The following MLLT10 variants were observed in gnomAD, a reference collection of about 807,000 sequenced individuals.
MLLT10 encodes MLLT10 histone lysine methyltransferase DOT1L cofactor.
A neutral mutation model predicts 129.1 loss-of-function variants in MLLT10; 30 were observed. That is an observed-to-expected ratio of 0.23 (90% CI 0.17 to 0.32). The LOEUF (loss-of-function observed/expected upper bound fraction) is 0.32, where lower values mean the gene tolerates loss of function less well. MLLT10 is among the 10% of genes least tolerant of loss of function. The pLI, the probability that MLLT10 is intolerant of heterozygous loss-of-function variation, is 1.00. For missense variants in MLLT10, 1,119 were observed against 1,268.3 expected, an observed-to-expected ratio of 0.88 and a Z score of 1.79; for synonymous variants, 490 against 446.4, an observed-to-expected ratio of 1.10 and a Z score of -1.23.
intron 6 of MLLT10, among the ~76,000 whole-genome samples, chr10:21,614,444 AG>A (rs1217604662): frequency 6.6e-6 from 1 of 152,114 alleles, no homozygotes; most frequent in Non-Finnish European, 1.5e-5. Flanking sequence ...GGCCCTTTAG[AG>A]GCATGGCCTT....
chr10:21,683,380 T>C (rs562018843), intron 13 of MLLT10, among the ~76,000 whole-genome samples: 104 of 152,274 alleles, frequency 6.8e-4, no homozygotes, highest in African/African-American at 2.2e-3. Flanking sequence ...ATTGGCAGCA[T>C]CCTTGAAAAT....
chr10:21,671,837 C>T (rs1486315469), intron 10 of MLLT10, among the ~76,000 whole-genome samples: 4 of 152,040 alleles, frequency 2.6e-5, no homozygotes, highest in African/African-American at 7.2e-5. Flanking sequence ...CCTGTGGCCC[C>T]AGCTCCTCAG....
chr10:21,576,201 G>A (rs1045159838), intron 3 of MLLT10, among the ~76,000 whole-genome samples: 38 of 149,228 alleles, frequency 2.5e-4, no homozygotes, highest in African/African-American at 9.1e-4. Flanking sequence ...AAGTGCTGGG[G>A]TTACAGGCGT....
At chr10:21,636,807 G>T (rs1457011057) in intron 8 of MLLT10, among the ~76,000 whole-genome samples, 1 of 152,036 alleles carries the variant, frequency 6.6e-6, no homozygotes, top group Non-Finnish European at 1.5e-5. Flanking sequence ...TAGAAGAAAG[G>T]TAGTGTTGTT....
intron 17 of MLLT10, among the ~76,000 whole-genome samples, chr10:21,731,996 C>T (rs2058007440): frequency 2.0e-5 from 3 of 152,198 alleles, no homozygotes; most frequent in South Asian, 2.1e-4. Context: ...CCTTTAAACA[C>T]GATAGCTGGA....
At chr10:21,546,475 G>A (rs1486938152) in intron 3 of MLLT10, among the ~76,000 whole-genome samples, 7 of 151,718 alleles carry the variant, frequency 4.6e-5, no homozygotes, top group Non-Finnish European at 7.4e-5. Context: ...TGTGATCTCC[G>A]CTTACTGCAA....
chr10:21,673,345 T>C lies in MLLT10; in HGVS notation c.1052-5T>C. ...TTTTTTTTTTTTTTTTTTTTTAAAC[T>C]ACAGGCAGTTTTTCAGGAACTCCAG... On this transcript the variant is annotated splice_polypyrimidine_tract_variant and splice_region_variant and intron_variant, in intron 10 of 22. Coordinates refer to ENST00000307729, the MANE Select transcript of MLLT10 (RefSeq NM_001195626.3). 1 of 433,350 alleles carries C rather than the reference T, an allele frequency of 2.3e-6. No homozygotes were observed. The highest frequency in any genetic ancestry group is 3.5e-6 in the Non-Finnish European group (1 of 288,120). 26.8% of individuals were successfully genotyped at this position (433,350 alleles called of 1,614,324 possible).
At chr10:21,553,338 T>C (rs1451977008) in intron 3 of MLLT10, among the ~76,000 whole-genome samples, 1 of 151,786 alleles carries the variant, frequency 6.6e-6, no homozygotes, top group East Asian at 1.9e-4. Context: ...TTTTTTTTTT[T>C]TTTTTGAGAA....
intron 9 of MLLT10, among the ~76,000 whole-genome samples, chr10:21,668,197 C>T (rs1157935147): frequency 6.6e-6 from 1 of 152,052 alleles, no homozygotes; most frequent in African/African-American, 2.4e-5. Context: ...GTGAGATGTT[C>T]ATACTATGAT....
At chr10:21,646,265 G>A (rs145413974) in intron 8 of MLLT10, among the ~76,000 whole-genome samples, 3 of 152,144 alleles carry the variant, frequency 2.0e-5, no homozygotes, top group Non-Finnish European at 2.9e-5. Context: ...GCTTCTTTAC[G>A]GGGAAAGCAG....
At chr10:21,562,446 T>C (rs1005220176) in intron 3 of MLLT10, among the ~76,000 whole-genome samples, 2 of 151,824 alleles carry the variant, frequency 1.3e-5, no homozygotes, top group Non-Finnish European at 2.9e-5. Flanking sequence ...CAAGCAATTC[T>C]CATGTCTCAG....
At chr10:21,591,856 G>T (rs1057247559) in intron 4 of MLLT10, among the ~76,000 whole-genome samples, 1 of 151,824 alleles carries the variant, frequency 6.6e-6, no homozygotes, top group African/African-American at 2.4e-5. Context: ...GAGTAGCTGG[G>T]ACTACAGGCA....
intron 3 of MLLT10, among the ~76,000 whole-genome samples, chr10:21,569,191 T>G (rs1414033639): frequency 6.6e-6 from 1 of 151,376 alleles, no homozygotes. Context: ...TAGGTCAGTT[T>G]GGTTAATGGT....
At chr10:21,556,740 T>G (rs1564403989) in intron 3 of MLLT10, 1 of 1,611,146 alleles carries the variant, frequency 6.2e-7, no homozygotes, top group Non-Finnish European at 8.5e-7. Flanking sequence ...CCCCGATGCC[T>G]GGTGTCTAAC....
intron 8 of MLLT10, among the ~76,000 whole-genome samples, chr10:21,640,164 A>T (rs2047845359): frequency 1.4e-5 from 2 of 145,966 alleles, no homozygotes; most frequent in South Asian, 4.2e-4. Flanking sequence ...GTATACATAT[A>T]TATTATATAT....
chr10:21,681,751 T>C (rs1368452824), intron 12 of MLLT10, among the ~76,000 whole-genome samples: 2 of 152,168 alleles, frequency 1.3e-5, no homozygotes, highest in East Asian at 3.9e-4. Context: ...GTCTTCTACA[T>C]GTGTTGAGGC....
chr10:21,697,478 C>G (rs1389554156), intron 13 of MLLT10, among the ~76,000 whole-genome samples: 1 of 151,846 alleles, frequency 6.6e-6, no homozygotes, highest in Non-Finnish European at 1.5e-5. Flanking sequence ...AAACAAAAAC[C>G]AAAAAAAGTT....
At chr10:21,617,080 A>G in intron 7 of MLLT10, 32 bp from the exon 8 acceptor site, 1 of 1,064,380 alleles carries the variant, frequency 9.4e-7, no homozygotes, top group Non-Finnish European at 1.3e-6. Context: ...TTATATACAT[A>G]TACATATATG....
At chr10:21,716,102 T>C (rs1172073092) in intron 14 of MLLT10, among the ~76,000 whole-genome samples, 1 of 152,230 alleles carries the variant, frequency 6.6e-6, no homozygotes, top group Non-Finnish European at 1.5e-5. Context: ...GTAATGGTGT[T>C]GAATGTGAAA....
Sources: allele counts gnomAD v4.1 joint callset (sites outside exome capture counted in the v4.1 genomes callset), GRCh38; gene constraint gnomAD v4.1.1; transcripts MANE v1.5; gene names NCBI Gene and HGNC (gene_info 2026-07-23, HGNC 2026-07-21).